NKAIN2: variants seen among roughly 807,000 people sequenced by gnomAD.
NKAIN2 encodes sodium/potassium-transporting ATPase subunit beta-1-interacting protein 2.
In NKAIN2, 14 loss-of-function variants were observed where a neutral mutation model predicts 32.6. The observed-to-expected ratio is 0.43, with a 90% confidence interval of 0.28 to 0.67. NKAIN2 has a LOEUF of 0.67. Ranked by LOEUF, NKAIN2 falls within the 30% of genes least tolerant of loss-of-function variation. NKAIN2 has a pLI of 0.17. For missense variants in NKAIN2, 198 were observed against 258.3 expected (o/e 0.77, Z 1.60); for synonymous variants, 80 against 87.2 (o/e 0.92, Z 0.46).
intron 3 of NKAIN2, among the ~76,000 whole-genome samples, chr6:124,424,255 G>A (rs1774883563): frequency 6.6e-6 from 1 of 152,044 alleles, no homozygotes; most frequent in Non-Finnish European, 1.5e-5. Flanking sequence ...GCCTCCCAAA[G>A]TGCTTAATTT....
chr6:124,606,406 C>T (rs575354283), intron 3 of NKAIN2, among the ~76,000 whole-genome samples: 1 of 151,962 alleles, frequency 6.6e-6, no homozygotes, highest in Non-Finnish European at 1.5e-5. Context: ...TCTATCTGCT[C>T]ATTGCACTTA....
chr6:123,806,855 C>T (rs190708225), intron 1 of NKAIN2, among the ~76,000 whole-genome samples: 77 of 152,120 alleles, frequency 5.1e-4, no homozygotes, highest in Admixed American at 4.6e-4. Flanking sequence ...AAACATTAAT[C>T]TCCAGTCCTC....
chr6:124,127,838 T>G (rs1166845092), intron 1 of NKAIN2, among the ~76,000 whole-genome samples: 2 of 152,076 alleles, frequency 1.3e-5, no homozygotes, highest in Non-Finnish European at 1.5e-5. Flanking sequence ...TATTCCCGTT[T>G]TTTTTTTAGA....
At chr6:124,800,838 C>T (rs1562390700) in intron 5 of NKAIN2, among the ~76,000 whole-genome samples, 1 of 152,042 alleles carries the variant, frequency 6.6e-6, no homozygotes, top group East Asian at 1.9e-4. Context: ...TTTGCATTTG[C>T]TTGTTTGTTT....
chr6:124,045,401 T>C (rs1290392039), intron 1 of NKAIN2, among the ~76,000 whole-genome samples: 5 of 152,020 alleles, frequency 3.3e-5, no homozygotes, highest in Non-Finnish European at 4.4e-5. Flanking sequence ...AAAGGTGTTA[T>C]GAAAATTATA....
chr6:124,803,617 T>A (rs1464062166), intron 5 of NKAIN2, among the ~76,000 whole-genome samples: 1 of 152,214 alleles, frequency 6.6e-6, no homozygotes, highest in Admixed American at 6.5e-5. Context: ...CTGTTGCTTG[T>A]CCAATCACAG....
At position 124,712,467 on chromosome 6, in the gene NKAIN2, G is replaced by A. The variant is rs1267536746; in HGVS notation, c.474+54081G>A. Among the ~76,000 whole-genome samples, 2 of 115,232 alleles carry A rather than the reference G, an allele frequency of 1.7e-5. 1 individual carries two copies. The highest frequency in any genetic ancestry group is 3.7e-5 in the Non-Finnish European group (2 of 54,486). The allele number at this position is 115,232 out of a possible 152,430, so 75.6% of individuals were successfully genotyped here. On this transcript the variant is annotated intron_variant, in intron 4 of 6. Transcript: ENST00000368417. ...TCAGACTGCTGTGCTAGCAATCAGC[G>A]AGACTCCGTGGGCGTAGGACCCTCC...
chr6:123,976,300 TATATATGTTTC>T lies in NKAIN2; in HGVS notation c.54+172047_54+172057del, dbSNP rs1562287351. 4.1e-4 allele frequency among the ~76,000 whole-genome samples: 42 copies of T among 101,274 alleles called. 1 individual carries two copies. The highest frequency in any genetic ancestry group is 9.9e-4 in the African/African-American group (27 of 27,382). 66.4% of individuals were successfully genotyped at this position (101,274 alleles called of 152,430 possible). A position where few individuals can be genotyped will look rare whatever the true frequency, so the allele number is the denominator to read the frequency against. ...ATATGTTTCCATATATATGTTTCCA[TATATATGTTTC>T]CATATATATATATGTTCCCATATAT... On this transcript the variant is annotated intron_variant, in intron 1 of 6. Transcript: ENST00000368417.
intron 1 of NKAIN2, among the ~76,000 whole-genome samples, chr6:123,917,022 C>T (rs138186496): frequency 2.0e-5 from 3 of 152,150 alleles, no homozygotes; most frequent in Non-Finnish European, 4.4e-5. Flanking sequence ...CAACAGAAGG[C>T]TTAACATCCT....
At chr6:123,955,341 T>C (rs967847325) in intron 1 of NKAIN2, among the ~76,000 whole-genome samples, 79 of 152,086 alleles carry the variant, frequency 5.2e-4, no homozygotes, top group Admixed American at 3.1e-3. Context: ...CTAATAATTA[T>C]GAAAATTGTG....
At chr6:124,690,261 A>G (rs1204724508) in intron 4 of NKAIN2, among the ~76,000 whole-genome samples, 1 of 152,104 alleles carries the variant, frequency 6.6e-6, no homozygotes, top group Non-Finnish European at 1.5e-5. Flanking sequence ...AATTGCTGGT[A>G]TATAGGAAAA....
At chr6:124,065,927 A>G (rs1203955582) in intron 1 of NKAIN2, among the ~76,000 whole-genome samples, 1 of 152,202 alleles carries the variant, frequency 6.6e-6, no homozygotes, top group Non-Finnish European at 1.5e-5. Flanking sequence ...ACACGTAGCT[A>G]TAGATACATA....
chr6:123,835,002 C>A (rs1774554686), intron 1 of NKAIN2, among the ~76,000 whole-genome samples: 1 of 152,058 alleles, frequency 6.6e-6, no homozygotes, highest in African/African-American at 2.4e-5. Flanking sequence ...TATCTATGTT[C>A]ATGAGAGATC....
chr6:124,641,679 G>A (rs1466567731), intron 3 of NKAIN2, among the ~76,000 whole-genome samples: 3 of 151,250 alleles, frequency 2.0e-5, no homozygotes, highest in Admixed American at 2.0e-4. Flanking sequence ...AGCCTCATGA[G>A]TAGCTGGGAC....
chr6:124,057,865 A>G (rs1782733343), intron 1 of NKAIN2, among the ~76,000 whole-genome samples: 1 of 152,110 alleles, frequency 6.6e-6, no homozygotes, highest in Non-Finnish European at 1.5e-5. Flanking sequence ...CACTAGGAGT[A>G]TAGAGTATCA....
chr6:124,280,752 C>T (rs1795252861), intron 1 of NKAIN2, among the ~76,000 whole-genome samples: 1 of 152,162 alleles, frequency 6.6e-6, no homozygotes, highest in African/African-American at 2.4e-5. Flanking sequence ...TGCAGCTACT[C>T]CTACACATAT....
intron 4 of NKAIN2, among the ~76,000 whole-genome samples, chr6:124,736,183 G>C (rs1776930150): frequency 6.6e-6 from 1 of 151,936 alleles, no homozygotes; most frequent in African/African-American, 2.4e-5. Context: ...GGTCAGGATA[G>C]ATCAAAACAG....
At chr6:123,824,474 T>C (rs918807038) in intron 1 of NKAIN2, among the ~76,000 whole-genome samples, 1 of 151,754 alleles carries the variant, frequency 6.6e-6, no homozygotes, top group African/African-American at 2.4e-5. Context: ...TTCAAAAGAG[T>C]AGCAGTTTGA....
At chr6:124,244,513 A>T (rs551740668) in intron 1 of NKAIN2, among the ~76,000 whole-genome samples, 1 of 151,958 alleles carries the variant, frequency 6.6e-6, no homozygotes, top group Non-Finnish European at 1.5e-5. Flanking sequence ...AAACAGCTTA[A>T]GTCAGCCGAC....
Sources: allele counts gnomAD v4.1 joint callset (sites outside exome capture counted in the v4.1 genomes callset), GRCh38; gene constraint gnomAD v4.1.1; transcripts MANE v1.5; gene names NCBI Gene and HGNC (gene_info 2026-07-23, HGNC 2026-07-21).